GALNT17: variants seen among roughly 807,000 people sequenced by gnomAD.
GALNT17 encodes the protein UDP-GalNAc:polypeptide N-acetylgalactosaminyltransferase-like 3.
A neutral mutation model predicts 63.7 loss-of-function variants in GALNT17; 29 were observed. The observed-to-expected ratio is 0.46, with a 90% CI of 0.34 to 0.62. GALNT17 has a LOEUF of 0.62. Ranked by LOEUF, GALNT17 falls within the 20% of genes least tolerant of loss-of-function variation. The pLI is 0.01. For synonymous variants in GALNT17, 305 were observed against 318.3 expected (o/e 0.96, Z 0.45); for missense variants, 603 against 799.6 (o/e 0.75, Z 2.97).
intron 1 of GALNT17, among the ~76,000 whole-genome samples, chr7:71,185,464 C>A (rs1307483147): frequency 6.6e-6 from 1 of 151,620 alleles, no homozygotes; most frequent in African/African-American, 2.4e-5. Context: ...TCCCAAAGTG[C>A]TGCGATTACA....
intron 2 of GALNT17, among the ~76,000 whole-genome samples, chr7:71,360,862 C>T (rs898471974): frequency 4.6e-5 from 7 of 152,142 alleles, no homozygotes; most frequent in Non-Finnish European, 8.8e-5. Context: ...TGCTTGAACC[C>T]GGGAGGCGGA....
intron 1 of GALNT17, among the ~76,000 whole-genome samples, chr7:71,217,969 A>T (rs1169863409): frequency 2.0e-5 from 3 of 152,156 alleles, no homozygotes; most frequent in Admixed American, 1.3e-4. Flanking sequence ...GAGTAAAGCA[A>T]TAGCCCATCT....
At chr7:71,421,723 G>T (rs1169739932) in intron 5 of GALNT17, among the ~76,000 whole-genome samples, 8 of 152,292 alleles carry the variant, frequency 5.3e-5, no homozygotes, top group Non-Finnish European at 1.2e-4. Context: ...GCCAAAGTGG[G>T]TGGATCACTT....
intron 5 of GALNT17, among the ~76,000 whole-genome samples, chr7:71,430,516 G>T (rs1309710924): frequency 2.0e-5 from 3 of 152,206 alleles, no homozygotes; most frequent in African/African-American, 7.2e-5. Flanking sequence ...AGCTGAGTCA[G>T]GCATCTTCTG....
At chr7:71,580,398 A>T (rs117712282) in intron 6 of GALNT17, among the ~76,000 whole-genome samples, 6 of 85,652 alleles carry the variant, frequency 7.0e-5, no homozygotes, top group South Asian at 9.4e-4. Context: ...TGATAGATGG[A>T]TGATAGATAG....
At chr7:71,454,833 C>G (rs1322838238) in intron 5 of GALNT17, among the ~76,000 whole-genome samples, 1 of 152,114 alleles carries the variant, frequency 6.6e-6, no homozygotes, top group Non-Finnish European at 1.5e-5. Flanking sequence ...ACTGCACATC[C>G]TCCGTTGAAC....
At chr7:71,227,549 T>C (rs186851054) in intron 1 of GALNT17, among the ~76,000 whole-genome samples, 1 of 152,138 alleles carries the variant, frequency 6.6e-6, no homozygotes, top group East Asian at 1.9e-4. Flanking sequence ...TCATAAGCCA[T>C]GATTATGTTT....
At chr7:71,331,073 T>C (rs1224198648) in intron 1 of GALNT17, among the ~76,000 whole-genome samples, 1 of 152,182 alleles carries the variant, frequency 6.6e-6, no homozygotes, top group Non-Finnish European at 1.5e-5. Flanking sequence ...GTCCCACGGA[T>C]GCCTCGTGTA....
At position 71,444,322 on chromosome 7, in the gene GALNT17, C is replaced by G. The variant is rs1314271456; in HGVS notation, c.962+23217C>G. Reference sequence around the variant, plus strand: ...AAGCCATCAACAACTCTTCTGCCTTCCCTCGCCACTTCCCCTTTCCTTCCT... The same window carrying G: ...AAGCCATCAACAACTCTTCTGCCTTGCCTCGCCACTTCCCCTTTCCTTCCT... On this transcript the variant is annotated intron_variant, in intron 5 of 10. Transcript: ENST00000333538. 2.0e-5 allele frequency among the ~76,000 whole-genome samples: 3 copies of G among 152,298 alleles called. No individual in the cohort carries two copies. The East Asian group carries it at 5.8e-4, about 29-fold the overall frequency.
At chr7:71,538,570 A>G (rs1053966034) in intron 5 of GALNT17, among the ~76,000 whole-genome samples, 3 of 152,212 alleles carry the variant, frequency 2.0e-5, no homozygotes, top group African/African-American at 4.8e-5. Context: ...GTGCCTGCGA[A>G]AGATCTTTCA....
At chr7:71,340,288 A>G (rs1315931096) in intron 2 of GALNT17, among the ~76,000 whole-genome samples, 1 of 152,202 alleles carries the variant, frequency 6.6e-6, no homozygotes, top group Non-Finnish European at 1.5e-5. Context: ...AGAGAAGATG[A>G]ACTATAGTTC....
chr7:71,339,852 A>G (rs1791977489), intron 2 of GALNT17, among the ~76,000 whole-genome samples: 1 of 152,110 alleles, frequency 6.6e-6, no homozygotes. Context: ...TGAACATACC[A>G]TTTACATGTG....
chr7:71,319,598 C>G (rs535054048), intron 1 of GALNT17, among the ~76,000 whole-genome samples: 2 of 152,260 alleles, frequency 1.3e-5, no homozygotes, highest in African/African-American at 4.8e-5. Context: ...ATGTACTTGA[C>G]AGCTTCATTT....
chr7:71,628,886 C>T (rs1166804823), intron 6 of GALNT17, among the ~76,000 whole-genome samples: 4 of 152,042 alleles, frequency 2.6e-5, no homozygotes, highest in Admixed American at 6.5e-5. Flanking sequence ...GAGCCCAGAT[C>T]GTGCCACTGC....
chr7:71,152,395 G>T (rs1788151789), intron 1 of GALNT17, among the ~76,000 whole-genome samples: 1 of 152,114 alleles, frequency 6.6e-6, no homozygotes, highest in African/African-American at 2.4e-5. Flanking sequence ...TGTATATGCA[G>T]ACCCAAGGGG....
intron 5 of GALNT17, among the ~76,000 whole-genome samples, chr7:71,483,504 C>G (rs1364096207): frequency 2.0e-5 from 3 of 151,742 alleles, no homozygotes; most frequent in Admixed American, 2.0e-4. Context: ...ATGTGAAGGC[C>G]TAGAACATTA....
intron 1 of GALNT17, among the ~76,000 whole-genome samples, chr7:71,243,810 T>A (rs1055729036): frequency 7.9e-5 from 12 of 152,140 alleles, no homozygotes; most frequent in African/African-American, 2.9e-4. Context: ...ACGGCCAAAC[T>A]TGTGCAAAAA....
At chr7:71,569,591 T>A (rs1305436320) in intron 5 of GALNT17, among the ~76,000 whole-genome samples, 1 of 152,228 alleles carries the variant, frequency 6.6e-6, no homozygotes, top group Non-Finnish European at 1.5e-5. Flanking sequence ...CATTGCATTT[T>A]CAAAGGAGCT....
chr7:71,361,985 C>T (rs1356936742), intron 2 of GALNT17, among the ~76,000 whole-genome samples: 1 of 152,062 alleles, frequency 6.6e-6, no homozygotes, highest in Non-Finnish European at 1.5e-5. Context: ...GAGATGGAGT[C>T]TCCCTCAGTT....
Sources: gnomAD v4.1 joint callset for allele counts (sites outside exome capture counted in the v4.1 genomes callset) on GRCh38, gnomAD v4.1.1 for gene constraint, MANE v1.5 for transcripts, NCBI Gene and HGNC (gene_info 2026-07-23, HGNC 2026-07-21) for gene names.